PDGFC: variants seen among roughly 807,000 people sequenced by gnomAD.
PDGFC encodes platelet-derived growth factor C.
A neutral mutation model predicts 35.5 loss-of-function variants in PDGFC; 12 were observed. The ratio of observed to expected loss-of-function variants is 0.34; its 90% CI spans 0.22 to 0.55. The LOEUF is 0.55. Among genes scored for constraint, PDGFC ranks in the 20% least tolerant of loss-of-function variants. The probability of loss-of-function intolerance (pLI) is 0.91; values close to 1 mark genes in which losing one functional copy is unlikely to be tolerated. For synonymous variants in PDGFC, 159 were observed against 148.8 expected, an observed-to-expected ratio of 1.07 and a Z score of -0.50; for missense variants, 322 against 412.4, an observed-to-expected ratio of 0.78 and a Z score of 1.90.
chr4:156,922,836 A>T (rs1286589509), intron 1 of PDGFC, among the ~76,000 whole-genome samples: 1 of 152,104 alleles, frequency 6.6e-6, no homozygotes, highest in Non-Finnish European at 1.5e-5. Flanking sequence ...CAAAGAATGG[A>T]TGAGACAGTG....
chr4:156,800,638 C>T (rs1389991757), intron 3 of PDGFC, among the ~76,000 whole-genome samples: 1 of 152,202 alleles, frequency 6.6e-6, no homozygotes, highest in South Asian at 2.1e-4. Context: ...ACACTTGCCA[C>T]GTTATTATGA....
chr4:156,923,460 G>A (rs1319807767), intron 1 of PDGFC, among the ~76,000 whole-genome samples: 5 of 152,196 alleles, frequency 3.3e-5, no homozygotes, highest in Non-Finnish European at 5.9e-5. Flanking sequence ...AGGACTGGAT[G>A]TGGTTACTAA....
At chr4:156,854,476 T>C (rs539656267) in intron 1 of PDGFC, among the ~76,000 whole-genome samples, 5 of 152,086 alleles carry the variant, frequency 3.3e-5, no homozygotes, top group African/African-American at 4.8e-5. Flanking sequence ...TAAAAAAAAA[T>C]TGTAAATTTT....
chr4:156,821,185 G>A (rs866761524), intron 2 of PDGFC, among the ~76,000 whole-genome samples: 1 of 146,230 alleles, frequency 6.8e-6, no homozygotes, highest in South Asian at 2.3e-4. Context: ...GTGTGTGTGT[G>A]TGTGTGTGTA....
At chr4:156,795,252 T>G (rs936532371) in intron 3 of PDGFC, among the ~76,000 whole-genome samples, 1 of 152,160 alleles carries the variant, frequency 6.6e-6, no homozygotes, top group East Asian at 1.9e-4. Flanking sequence ...CCATATAAAA[T>G]GAGTTACTAT....
intron 1 of PDGFC, among the ~76,000 whole-genome samples, chr4:156,930,586 G>A (rs1193324761): frequency 1.3e-5 from 2 of 152,324 alleles, no homozygotes; most frequent in African/African-American, 2.4e-5. Flanking sequence ...TCTAGGTTTA[G>A]GCCGGGCGCA....
chr4:156,868,081 C>T (rs570682002), intron 1 of PDGFC, among the ~76,000 whole-genome samples: 1 of 152,204 alleles, frequency 6.6e-6, no homozygotes, highest in Middle Eastern at 3.4e-3. Context: ...TCCCAAAGTG[C>T]TGGGAATACA....
chr4:156,840,331 T>G (rs1488588727), intron 2 of PDGFC, among the ~76,000 whole-genome samples: 2 of 152,202 alleles, frequency 1.3e-5, no homozygotes, highest in Admixed American at 6.5e-5. Flanking sequence ...AAGGTACAGC[T>G]CAGGCTGTTG....
At chr4:156,859,748 A>T (rs1305790901) in intron 1 of PDGFC, among the ~76,000 whole-genome samples, 1 of 152,170 alleles carries the variant, frequency 6.6e-6, no homozygotes. Context: ...ATAAATTAAT[A>T]AGAAAGCTTG....
chr4:156,936,504 C>A (rs1025480005), intron 1 of PDGFC, among the ~76,000 whole-genome samples: 1 of 152,154 alleles, frequency 6.6e-6, no homozygotes, highest in African/African-American at 2.4e-5. Flanking sequence ...CTGGAACCTA[C>A]CAATCCCAGC....
At chr4:156,904,439 T>G (rs923035333) in intron 1 of PDGFC, among the ~76,000 whole-genome samples, 1 of 152,086 alleles carries the variant, frequency 6.6e-6, no homozygotes, top group East Asian at 1.9e-4. Flanking sequence ...ACCTGGGAAG[T>G]GTCCTGCACT....
intron 1 of PDGFC, among the ~76,000 whole-genome samples, chr4:156,886,440 T>G (rs1032259744): frequency 6.6e-6 from 1 of 152,214 alleles, no homozygotes; most frequent in Non-Finnish European, 1.5e-5. Flanking sequence ...CAAAATAAAG[T>G]TTTGTTTAGT....
chr4:156,795,908 T>A (rs1431920674), intron 3 of PDGFC, among the ~76,000 whole-genome samples: 1 of 152,182 alleles, frequency 6.6e-6, no homozygotes, highest in Non-Finnish European at 1.5e-5. Flanking sequence ...TATCTTGAGC[T>A]CTTAGTATCC....
chr4:156,805,834 C>T (rs994696343), intron 3 of PDGFC, among the ~76,000 whole-genome samples: 1 of 151,988 alleles, frequency 6.6e-6, no homozygotes, highest in African/African-American at 2.4e-5. Context: ...CCATATCCTG[C>T]ATAATTAATA....
rs553071073 is a variant in PDGFC at position 156,869,473 on chromosome 4, T to A, written c.119-19057A>T. On this transcript the variant is annotated intron_variant, in intron 1 of 5. Coordinates refer to ENST00000502773, the MANE Select transcript of PDGFC (RefSeq NM_016205.3). ...GATCCTAGCATATGAATAATGCTTA[T>A]CACATAGCTACTGTTGTTTTTGCAA... 4.0e-3 allele frequency among the ~76,000 whole-genome samples: 603 copies of A among 152,176 alleles called. 1 individual carries two copies. Among genetic ancestry groups the A allele is most frequent in the African/African-American group, 0.014 (579 of 41,532 alleles).
At chr4:156,880,958 T>C (rs1408775192) in intron 1 of PDGFC, among the ~76,000 whole-genome samples, 1 of 152,142 alleles carries the variant, frequency 6.6e-6, no homozygotes, top group Admixed American at 6.5e-5. Flanking sequence ...AGGATTTGAG[T>C]ATTACATAAA....
intron 2 of PDGFC, among the ~76,000 whole-genome samples, chr4:156,840,289 C>T (rs1361530652): frequency 1.3e-5 from 2 of 152,180 alleles, no homozygotes; most frequent in Non-Finnish European, 2.9e-5. Flanking sequence ...TGCCCTGAAT[C>T]CCAGCAGCTC....
rs372677288 is a variant in PDGFC, at chr4:156,809,710, A to AG, written c.495+1126dup. 3.0e-3 allele frequency among the ~76,000 whole-genome samples: 368 copies of AG among 120,700 alleles called. 3 individuals are homozygous for AG. The highest frequency in any genetic ancestry group is 6.6e-3 in the South Asian group (21 of 3,206). The allele number at this position is 120,700 out of a possible 152,430, so 79.2% of individuals were successfully genotyped here. A position where few individuals can be genotyped will look rare whatever the true frequency, so the allele number is the denominator to read the frequency against. On this transcript the variant is annotated intron_variant, in intron 3 of 5. Transcript: ENST00000502773. ...AGATAATCTATGTAGTCACAAAATCAGAAAAAAAAACCTTCAGTAGTGATA... is the reference window on the plus strand; with the variant it reads ...AGATAATCTATGTAGTCACAAAATCAGGAAAAAAAAACCTTCAGTAGTGATA...
intron 5 of PDGFC, among the ~76,000 whole-genome samples, chr4:156,763,544 A>C (rs1215714403): frequency 1.3e-5 from 2 of 152,156 alleles, no homozygotes. Context: ...TGGAACTACC[A>C]ATATAAAATT....
Sources: allele counts gnomAD v4.1 joint callset (sites outside exome capture counted in the v4.1 genomes callset), GRCh38; gene constraint gnomAD v4.1.1; transcripts MANE v1.5; gene names NCBI Gene and HGNC (gene_info 2026-07-23, HGNC 2026-07-21).